SLC24A3: variants seen among roughly 807,000 people sequenced by gnomAD.
The protein encoded by SLC24A3 is sodium/potassium/calcium exchanger 3.
SLC24A3 carries 28 observed loss-of-function variants against 75.8 expected under a neutral mutation model. The observed-to-expected ratio is 0.37, with a 90% CI of 0.27 to 0.51. SLC24A3 has a LOEUF of 0.51. Among genes scored for constraint, SLC24A3 ranks in the 20% least tolerant of loss-of-function variants. The pLI is 0.94. For synonymous variants in SLC24A3, 372 were observed against 334.1 expected (o/e 1.11, Z -1.24); for missense variants, 663 against 847.8 (o/e 0.78, Z 2.71).
intron 2 of SLC24A3, among the ~76,000 whole-genome samples, chr20:19,477,946 GGATAGGAA>G (rs1987989012): frequency 6.6e-6 from 1 of 152,182 alleles, no homozygotes; most frequent in Non-Finnish European, 1.5e-5. Flanking sequence ...CTATACTGGA[GGATAGGAA>G]ACTATCCAGA....
At chr20:19,332,509 C>T (rs897482865) in intron 2 of SLC24A3, among the ~76,000 whole-genome samples, 2 of 152,058 alleles carry the variant, frequency 1.3e-5, no homozygotes, top group Non-Finnish European at 2.9e-5. Flanking sequence ...AAAAATTTAC[C>T]AGGTTTCTTT....
At position 19,566,047 on chromosome 20, in the gene SLC24A3, G is replaced by A. The variant is rs1211626445; in HGVS notation, c.349-13953G>A. 5.3e-5 allele frequency among the ~76,000 whole-genome samples: 8 copies of A among 152,144 alleles called. No individual in the cohort carries two copies. The East Asian group carries it at 5.8e-4, about 11-fold the overall frequency. On this transcript the variant is annotated intron_variant, in intron 3 of 16. Coordinates refer to ENST00000328041, the MANE Select transcript of SLC24A3 (RefSeq NM_020689.4). ...TGAAAGCTCATTCATTCATTCATTCGTTTATTCATTCAAATTCCAGAAGGA... is the reference window on the plus strand; with the variant it reads ...TGAAAGCTCATTCATTCATTCATTCATTTATTCATTCAAATTCCAGAAGGA...
chr20:19,603,405 A>C (rs1427487397), intron 6 of SLC24A3, among the ~76,000 whole-genome samples: 1 of 152,044 alleles, frequency 6.6e-6, no homozygotes, highest in Non-Finnish European at 1.5e-5. Flanking sequence ...TTCCGTGTGG[A>C]ATGGGGGCTG....
chr20:19,512,846 A>T (rs987074504), intron 2 of SLC24A3, among the ~76,000 whole-genome samples: 1 of 152,230 alleles, frequency 6.6e-6, no homozygotes, highest in Non-Finnish European at 1.5e-5. Context: ...TGGATGCCAC[A>T]TACCTGTACC....
intron 2 of SLC24A3, among the ~76,000 whole-genome samples, chr20:19,340,306 G>A (rs1985241686): frequency 1.3e-5 from 2 of 152,304 alleles, no homozygotes; most frequent in South Asian, 4.1e-4. Context: ...GGCTGTGCCT[G>A]CAAGATGAGG....
chr20:19,451,865 T>G (rs191809343), intron 2 of SLC24A3, among the ~76,000 whole-genome samples: 37 of 152,358 alleles, frequency 2.4e-4, no homozygotes, highest in Non-Finnish European at 8.8e-5. Flanking sequence ...ACTTGGTCTC[T>G]GTTTTTTTCC....
chr20:19,550,952 A>G (rs2030684300), intron 3 of SLC24A3, among the ~76,000 whole-genome samples: 1 of 152,230 alleles, frequency 6.6e-6, no homozygotes. Context: ...AGTGGTGAGG[A>G]AAGAGGATGA....
intron 1 of SLC24A3, among the ~76,000 whole-genome samples, chr20:19,276,177 C>A (rs1285128013): frequency 6.6e-6 from 1 of 152,214 alleles, no homozygotes; most frequent in Non-Finnish European, 1.5e-5. Context: ...GCTGCCCACC[C>A]TCTGCCCCTC....
At chr20:19,298,903 G>T (rs925408930) in intron 2 of SLC24A3, among the ~76,000 whole-genome samples, 1 of 152,216 alleles carries the variant, frequency 6.6e-6, no homozygotes, top group Non-Finnish European at 1.5e-5. Context: ...CCAGTCATGG[G>T]TTGGGGGCTG....
chr20:19,510,915 G>A (rs929981684), intron 2 of SLC24A3, among the ~76,000 whole-genome samples: 2 of 152,212 alleles, frequency 1.3e-5, no homozygotes, highest in South Asian at 2.1e-4. Context: ...TATATCACCT[G>A]TGACTCTTTC....
chr20:19,588,780 C>T (rs1297190695), intron 6 of SLC24A3, among the ~76,000 whole-genome samples: 1 of 152,190 alleles, frequency 6.6e-6, no homozygotes, highest in Non-Finnish European at 1.5e-5. Context: ...AAACAATGTA[C>T]TTGTGAATTT....
intron 10 of SLC24A3, among the ~76,000 whole-genome samples, chr20:19,683,813 A>C (rs2032641599): frequency 6.6e-6 from 1 of 152,248 alleles, no homozygotes; most frequent in Non-Finnish European, 1.5e-5. Context: ...AAGTCCTTTC[A>C]AAAGATTTAA....
intron 2 of SLC24A3, among the ~76,000 whole-genome samples, chr20:19,413,972 GA>G (rs1326812618): frequency 1.3e-5 from 2 of 151,994 alleles, no homozygotes. Flanking sequence ...AAATCAATAA[GA>G]AAAACATTAA....
At position 19,651,371 on chromosome 20, in the gene SLC24A3, T is replaced by TTATA. The variant is rs201410584; in HGVS notation, c.613-2670_613-2667dup. The stretch of plus-strand genomic sequence containing the variant: ...TTACAAAATGTCATTCTGGTTTTTA[T>TTATA]TATATATATATATATATATATATAC... On this transcript the variant is annotated intron_variant, in intron 6 of 16. Transcript: ENST00000328041. Among the ~76,000 whole-genome samples the TTATA allele has an allele frequency of 3.5e-3, 371 of 105,936 alleles. 2 individuals are homozygous for TTATA. The highest frequency in any genetic ancestry group is 7.6e-3 in the South Asian group (25 of 3,286). The allele number at this position is 105,936 out of a possible 152,430, so 69.5% of individuals were successfully genotyped here.
chr20:19,677,487 G>GT (rs2032538230), intron 9 of SLC24A3, among the ~76,000 whole-genome samples: 2 of 151,840 alleles, frequency 1.3e-5, no homozygotes, highest in African/African-American at 4.8e-5. Flanking sequence ...CTGCAGAATA[G>GT]TACGATGAAC....
intron 2 of SLC24A3, among the ~76,000 whole-genome samples, chr20:19,346,074 T>A (rs1985392613): frequency 1.9e-5 from 1 of 53,948 alleles, no homozygotes; most frequent in East Asian, 7.2e-4. Context: ...TATATATATA[T>A]ATATATATAT....
chr20:19,642,369 C>T (rs923435939), intron 6 of SLC24A3, among the ~76,000 whole-genome samples: 1 of 152,206 alleles, frequency 6.6e-6, no homozygotes, highest in Admixed American at 6.5e-5. Flanking sequence ...TTACACATTG[C>T]TGAGCATCTG....
At chr20:19,590,087 C>T (rs1348207852) in intron 6 of SLC24A3, among the ~76,000 whole-genome samples, 2 of 151,588 alleles carry the variant, frequency 1.3e-5, no homozygotes, top group Non-Finnish European at 2.9e-5. Flanking sequence ...TGGTGGTAGC[C>T]CCTGCTACAA....
intron 6 of SLC24A3, among the ~76,000 whole-genome samples, chr20:19,623,880 T>C (rs2122678969): frequency 6.6e-6 from 1 of 152,260 alleles, no homozygotes; most frequent in East Asian, 1.9e-4. Flanking sequence ...CTAAGCTACA[T>C]ACCAACAGCA....
Sources: allele counts gnomAD v4.1 joint callset (sites outside exome capture counted in the v4.1 genomes callset), GRCh38; gene constraint gnomAD v4.1.1; transcripts MANE v1.5; gene names NCBI Gene and HGNC (gene_info 2026-07-23, HGNC 2026-07-21).